FHIT: variants seen among roughly 807,000 people sequenced by gnomAD.
FHIT encodes bis(5'-adenosyl)-triphosphatase.
A neutral mutation model predicts 17.9 loss-of-function variants in FHIT; 19 were observed. The observed-to-expected ratio is 1.06, with a 90% CI of 0.74 to 1.56. FHIT has a LOEUF of 1.56. Ranked by LOEUF, FHIT falls within the 40% of genes most tolerant of loss-of-function variation. The probability of loss-of-function intolerance (pLI) is 0.00; values close to 1 mark genes in which losing one functional copy is unlikely to be tolerated. For missense variants in FHIT, 248 were observed against 189.2 expected (o/e 1.31, Z -1.82); for synonymous variants, 81 against 69.7 (o/e 1.16, Z -0.81).
At chr3:60,529,759 C>G (rs1180225938) in intron 5 of FHIT, among the ~76,000 whole-genome samples, 2 of 152,126 alleles carry the variant, frequency 1.3e-5, no homozygotes, top group African/African-American at 4.8e-5. Context: ...TGGTGAACAG[C>G]TTTCCAAATT....
At chr3:60,156,555 C>G (rs6790477) in intron 5 of FHIT, among the ~76,000 whole-genome samples, 1 of 151,926 alleles carries the variant, frequency 6.6e-6, no homozygotes, top group Non-Finnish European at 1.5e-5. Flanking sequence ...TCAAGAACAA[C>G]CTAGGCAACA....
intron 7 of FHIT, among the ~76,000 whole-genome samples, chr3:59,937,908 C>T (rs147629674): frequency 1.3e-5 from 2 of 152,198 alleles, no homozygotes; most frequent in African/African-American, 4.8e-5. Context: ...GTTACATTTT[C>T]CTTCTAACTC....
intron 2 of FHIT, among the ~76,000 whole-genome samples, chr3:61,147,340 C>T (rs894752081): frequency 2.6e-5 from 4 of 152,008 alleles, no homozygotes; most frequent in African/African-American, 9.7e-5. Flanking sequence ...ACTCACACTG[C>T]AAATTATGTT....
intron 5 of FHIT, among the ~76,000 whole-genome samples, chr3:60,445,126 T>C (rs781488721): frequency 6.6e-6 from 1 of 152,108 alleles, no homozygotes; most frequent in South Asian, 2.1e-4. Flanking sequence ...AATCAAATAC[T>C]AATGCACGTA....
intron 4 of FHIT, among the ~76,000 whole-genome samples, chr3:60,718,530 A>C (rs1353827661): frequency 2.6e-5 from 4 of 152,228 alleles, no homozygotes; most frequent in Admixed American, 2.6e-4. Flanking sequence ...ACTGGGCTTA[A>C]GGAAAGGCAA....
At chr3:59,956,244 A>C (rs1432189484) in intron 7 of FHIT, among the ~76,000 whole-genome samples, 1 of 152,164 alleles carries the variant, frequency 6.6e-6, no homozygotes, top group Non-Finnish European at 1.5e-5. Context: ...CTGGGTGACT[A>C]AAGACAGTCT....
At chr3:61,251,149 C>G (rs138241762) in intron 1 of FHIT, among the ~76,000 whole-genome samples, 152 bp downstream of exon 1, 175 of 152,308 alleles carry the variant, frequency 1.1e-3, no homozygotes, top group East Asian at 4.8e-3. Context: ...CTGAGACCCT[C>G]GTGGGGCGGA....
intron 4 of FHIT, among the ~76,000 whole-genome samples, chr3:60,804,237 C>G (rs1701302881): frequency 6.6e-6 from 1 of 152,252 alleles, no homozygotes; most frequent in African/African-American, 2.4e-5. Flanking sequence ...ATCAAGGGCA[C>G]TGCGATCCCC....
chr3:60,338,064 G>A (rs1710329273), intron 5 of FHIT, among the ~76,000 whole-genome samples: 1 of 152,032 alleles, frequency 6.6e-6, no homozygotes, highest in Non-Finnish European at 1.5e-5. Flanking sequence ...TAGAGACCTT[G>A]AGAGAAGTGT....
chr3:60,175,597 T>C (rs1174776238), intron 5 of FHIT, among the ~76,000 whole-genome samples: 1 of 152,156 alleles, frequency 6.6e-6, no homozygotes, highest in Non-Finnish European at 1.5e-5. Context: ...TTACAATGCA[T>C]ACTTCAGAAA....
At chr3:61,037,156 C>T (rs569616522) in intron 3 of FHIT, among the ~76,000 whole-genome samples, 2 of 152,252 alleles carry the variant, frequency 1.3e-5, no homozygotes, top group South Asian at 4.2e-4. Flanking sequence ...CGTGATCCAT[C>T]CGTCTCGGTC....
intron 7 of FHIT, among the ~76,000 whole-genome samples, chr3:59,989,114 G>GA (rs1250132633): frequency 2.0e-5 from 3 of 151,942 alleles, no homozygotes; most frequent in Non-Finnish European, 2.9e-5. Flanking sequence ...CTGGAAATTG[G>GA]AAAAAATAGA....
intron 7 of FHIT, among the ~76,000 whole-genome samples, chr3:59,975,630 T>C (rs1329192099): frequency 6.6e-6 from 1 of 151,782 alleles, no homozygotes; most frequent in Non-Finnish European, 1.5e-5. Flanking sequence ...AAAAAAACAT[T>C]AGAGAAAGAG....
chr3:59,885,524 A>C (rs2106976432), intron 8 of FHIT, among the ~76,000 whole-genome samples: 1 of 151,864 alleles, frequency 6.6e-6, no homozygotes, highest in South Asian at 2.1e-4. Context: ...GAATGAGAAC[A>C]TCAGCAACTG....
At chr3:60,526,269 C>G (rs1366555691) in intron 5 of FHIT, among the ~76,000 whole-genome samples, 1 of 151,932 alleles carries the variant, frequency 6.6e-6, no homozygotes, top group Non-Finnish European at 1.5e-5. Flanking sequence ...ATGTTTTTTC[C>G]AGGAAGGTAG....
chr3:60,889,304 C>A (rs782401523), intron 3 of FHIT, among the ~76,000 whole-genome samples: 1 of 152,186 alleles, frequency 6.6e-6, no homozygotes, highest in Non-Finnish European at 1.5e-5. Flanking sequence ...ATAAGAACAC[C>A]TTCCCCTCCC....
chr3:61,153,612 G>C (rs529172549), intron 2 of FHIT, among the ~76,000 whole-genome samples: 1 of 152,248 alleles, frequency 6.6e-6, no homozygotes, highest in African/African-American at 2.4e-5. Context: ...ACTGGAGAAA[G>C]TAAAATCAAA....
intron 2 of FHIT, among the ~76,000 whole-genome samples, chr3:61,093,892 A>T (rs902020287): frequency 1.3e-5 from 2 of 152,218 alleles, no homozygotes; most frequent in Non-Finnish European, 1.5e-5. Flanking sequence ...TATATATTAG[A>T]CCAACAGCCA....
intron 8 of FHIT, among the ~76,000 whole-genome samples, chr3:59,809,851 G>A (rs745563034): frequency 4.6e-5 from 7 of 152,086 alleles, no homozygotes; most frequent in East Asian, 1.9e-4. Flanking sequence ...TTTGTTCCCC[G>A]CTCTCCTTTT....
Sources: gnomAD v4.1 joint callset for allele counts (sites outside exome capture counted in the v4.1 genomes callset) on GRCh38, gnomAD v4.1.1 for gene constraint, MANE v1.5 for transcripts, NCBI Gene and HGNC (gene_info 2026-07-23, HGNC 2026-07-21) for gene names.